ADGRL3: variants seen among roughly 807,000 people sequenced by gnomAD.
The protein encoded by ADGRL3 is calcium-independent alpha-latrotoxin receptor 3.
In ADGRL3, 62 loss-of-function variants were observed where a neutral mutation model predicts 153.5. The observed-to-expected ratio is 0.40, with a 90% confidence interval of 0.33 to 0.50. The LOEUF (loss-of-function observed/expected upper bound fraction) is 0.50. Ranked by LOEUF, ADGRL3 falls within the 20% of genes least tolerant of loss-of-function variation. The probability of loss-of-function intolerance (pLI) is 0.47; values close to 1 mark genes in which losing one functional copy is unlikely to be tolerated. For synonymous variants in ADGRL3, 710 were observed against 672.5 expected, an observed-to-expected ratio of 1.06 and a Z score of -0.86; for missense variants, 1,641 against 1,859.4, an observed-to-expected ratio of 0.88 and a Z score of 2.16.
chr4:61,294,732 T>TATC lies in ADGRL3; in HGVS notation c.-239-88391_-239-88389dup, dbSNP rs1345193025. ...TGCCCTTTGATTAGAGGCATCTTAA[T>TATC]ATCTCATCAATATGGAAATAAGCGC... On this transcript the variant is annotated intron_variant, in intron 1 of 26. Coordinates refer to ENST00000683033, the MANE Select transcript of ADGRL3 (RefSeq NM_001387552.1). Among the ~76,000 whole-genome samples the TATC allele has an allele frequency of 2.0e-5, 3 of 152,266 alleles. No individual in the cohort carries two copies. The South Asian group carries it at 6.2e-4, about 32-fold the overall frequency.
chr4:61,287,426 A>G (rs772386549), intron 1 of ADGRL3, among the ~76,000 whole-genome samples: 6 of 151,940 alleles, frequency 3.9e-5, no homozygotes, highest in Non-Finnish European at 8.8e-5. Context: ...TATGCTCTTA[A>G]AACAGTAGAA....
chr4:61,423,812 G>A (rs371624720), intron 2 of ADGRL3, among the ~76,000 whole-genome samples: 2 of 152,280 alleles, frequency 1.3e-5, no homozygotes, highest in Non-Finnish European at 1.5e-5. Flanking sequence ...GTTAACCTGA[G>A]ATAAGAAGAA....
chr4:61,750,832 A>C (rs945363106), intron 8 of ADGRL3, among the ~76,000 whole-genome samples: 2 of 151,522 alleles, frequency 1.3e-5, no homozygotes, highest in Non-Finnish European at 2.9e-5. Flanking sequence ...GATAAGCTAA[A>C]GGAGCAAATA....
intron 2 of ADGRL3, among the ~76,000 whole-genome samples, chr4:61,494,197 T>G (rs1295930290): frequency 6.6e-6 from 1 of 152,022 alleles, no homozygotes; most frequent in African/African-American, 2.4e-5. Flanking sequence ...AGAAAATGAA[T>G]AAATAATTCA....
At chr4:61,307,857 G>A (rs2094850089) in intron 1 of ADGRL3, among the ~76,000 whole-genome samples, 1 of 152,148 alleles carries the variant, frequency 6.6e-6, no homozygotes, top group Admixed American at 6.5e-5. Flanking sequence ...TGAATAGTAT[G>A]AATTAATCAT....
intron 1 of ADGRL3, among the ~76,000 whole-genome samples, chr4:61,353,621 T>TC (rs2096099224): frequency 7.4e-6 from 1 of 134,406 alleles, no homozygotes; most frequent in Non-Finnish European, 1.6e-5. Context: ...TTTTTTTTTT[T>TC]GTAGAAACGA....
At chr4:61,395,888 G>A (rs2096862703) in intron 2 of ADGRL3, among the ~76,000 whole-genome samples, 1 of 152,018 alleles carries the variant, frequency 6.6e-6, no homozygotes, top group East Asian at 1.9e-4. Flanking sequence ...AATGTAGAAG[G>A]AGGAACGCAC....
At chr4:61,430,174 T>C (rs1315680348) in intron 2 of ADGRL3, among the ~76,000 whole-genome samples, 1 of 152,176 alleles carries the variant, frequency 6.6e-6, no homozygotes, top group Admixed American at 6.5e-5. Context: ...TGAAGCACTT[T>C]ATAAATTAAT....
At chr4:61,237,755 A>G (rs545504999) in intron 1 of ADGRL3, among the ~76,000 whole-genome samples, 2 of 152,268 alleles carry the variant, frequency 1.3e-5, no homozygotes, top group African/African-American at 2.4e-5. Context: ...TATTTTGAAA[A>G]TCTGGTAGGT....
At chr4:61,388,168 T>G (rs2096761296) in intron 2 of ADGRL3, among the ~76,000 whole-genome samples, 2 of 152,162 alleles carry the variant, frequency 1.3e-5, no homozygotes, top group Admixed American at 1.3e-4. Context: ...GCTCAAATTT[T>G]GAAGACAGAG....
chr4:61,659,697 G>A (rs983607178), intron 5 of ADGRL3, among the ~76,000 whole-genome samples: 1 of 152,010 alleles, frequency 6.6e-6, no homozygotes, highest in Non-Finnish European at 1.5e-5. Flanking sequence ...CAGCCTTGGG[G>A]AAATTACTTA....
intron 17 of ADGRL3, among the ~76,000 whole-genome samples, chr4:61,961,392 A>G (rs780322043): frequency 5.9e-5 from 9 of 152,190 alleles, no homozygotes; most frequent in Non-Finnish European, 1.2e-4. Flanking sequence ...ATGAATGAGT[A>G]TAATGGGAGA....
At chr4:61,885,654 C>G (rs2098534321) in intron 9 of ADGRL3, among the ~76,000 whole-genome samples, 1 of 152,128 alleles carries the variant, frequency 6.6e-6, no homozygotes, top group African/African-American at 2.4e-5. Context: ...ATTTCCAAAT[C>G]CATTAAAATT....
chr4:61,299,015 A>G lies in ADGRL3; in HGVS notation c.-239-84109A>G, dbSNP rs115120536. Reference sequence around the variant, plus strand: ...TGCATGCAAGATTCTACTTTTGCAAATGAGATAATAAGTACAGTAAATATT... The same window carrying G: ...TGCATGCAAGATTCTACTTTTGCAAGTGAGATAATAAGTACAGTAAATATT... On this transcript the variant is annotated intron_variant, in intron 1 of 26. Transcript: ENST00000683033. 9.3e-3 allele frequency among the ~76,000 whole-genome samples: 1,422 copies of G among 152,300 alleles called. 21 individuals carry two copies. The highest frequency in any genetic ancestry group is 0.031 in the African/African-American group (1,301 of 41,558).
At chr4:61,971,738 C>A (rs1313054199) in intron 17 of ADGRL3, among the ~76,000 whole-genome samples, 2 of 152,166 alleles carry the variant, frequency 1.3e-5, no homozygotes, top group African/African-American at 2.4e-5. Context: ...GCCACACTGA[C>A]TTCCACAATG....
At chr4:61,404,815 GT>G (rs1257559289) in intron 2 of ADGRL3, among the ~76,000 whole-genome samples, 29 of 152,122 alleles carry the variant, frequency 1.9e-4, no homozygotes, top group African/African-American at 6.7e-4. Context: ...TGTCAGAGTC[GT>G]GGTTAAACAA....
intron 6 of ADGRL3, among the ~76,000 whole-genome samples, chr4:61,678,791 A>G (rs1041355565): frequency 6.6e-6 from 1 of 151,766 alleles, no homozygotes; most frequent in Admixed American, 6.6e-5. Flanking sequence ...TATACGTTGT[A>G]GCCTGATCGT....
At chr4:61,480,134 T>G (rs907996689) in intron 2 of ADGRL3, among the ~76,000 whole-genome samples, 53 of 152,264 alleles carry the variant, frequency 3.5e-4, no homozygotes, top group African/African-American at 1.3e-3. Flanking sequence ...CTCATTTAGC[T>G]TGCATAACTG....
intron 6 of ADGRL3, among the ~76,000 whole-genome samples, chr4:61,728,684 A>G (rs2096389347): frequency 6.6e-6 from 1 of 152,096 alleles, no homozygotes; most frequent in South Asian, 2.1e-4. Context: ...ATTGCTATCT[A>G]AGGCTATTTC....
Sources: allele counts gnomAD v4.1 joint callset (sites outside exome capture counted in the v4.1 genomes callset), GRCh38; gene constraint gnomAD v4.1.1; transcripts MANE v1.5; gene names NCBI Gene and HGNC (gene_info 2026-07-23, HGNC 2026-07-21).